Variants in SORL1 observed in about 807,000 individuals in gnomAD.
SORL1 encodes sortilin-related receptor.
Under a neutral mutation model 273.7 loss-of-function variants are expected in SORL1, and 127 were observed. The observed-to-expected ratio is 0.46, with a 90% CI of 0.40 to 0.54. SORL1 has a LOEUF of 0.54. Ranked by LOEUF, SORL1 falls within the 20% of genes least tolerant of loss-of-function variation. SORL1 has a pLI of 0.00. For synonymous variants in SORL1, 1,031 were observed against 1,067.4 expected (o/e 0.97, Z 0.66); for missense variants, 2,494 against 2,846.1 (o/e 0.88, Z 2.81).
At chr11:121,615,175 G>A in intron 41 of SORL1, 120 bp downstream of exon 41, 1 of 737,064 alleles carries the variant, frequency 1.4e-6, no homozygotes, top group Non-Finnish European at 2.1e-6. Flanking sequence ...TGCTGCTCTT[G>A]GATATAGGCC....
In SORL1 at chr11:121,452,486, A is replaced by G. The variant is rs1034490486; in HGVS notation, c.155A>G (p.Gln52Arg). The G allele has an allele frequency of 1.3e-6, 2 of 1,491,360 alleles. No individual in the cohort carries two copies. Among genetic ancestry groups the G allele is most frequent in the African/African-American group, 1.5e-5 (1 of 68,578 alleles). The allele number at this position is 1,491,360 out of a possible 1,614,324, so 92.4% of individuals were successfully genotyped here. Residue 52 changes from glutamine to arginine, a missense_variant, in exon 1 of 48, where the codon CAG becomes CGG. This residue lies in a region of SORL1 where 175 missense variants were observed against 147.1 expected (regional missense o/e 1.19). Transcript: ENST00000260197. This position sits in a 1 kb window ranked among gnomAD's most constrained non-coding sequence, Gnocchi z 5.3. ...LPQDRGFLVV[Q>R]GDPRELRLWA... is the part of the protein sequence containing the mutation. ...CAGGACCGGGGCTTCCTCGTGGTGC[A>G]GGGCGACCCGCGCGAGCTGCGGCTG...
intron 5 of SORL1, among the ~76,000 whole-genome samples, chr11:121,491,839 G>A (rs1031234429): frequency 1.3e-5 from 2 of 152,074 alleles, no homozygotes; most frequent in Non-Finnish European, 1.5e-5. Context: ...AGATCATTTT[G>A]TTCCTCTGCT....
intron 1 of SORL1, among the ~76,000 whole-genome samples, chr11:121,468,011 G>T (rs145379214): frequency 6.6e-6 from 1 of 152,204 alleles, no homozygotes; most frequent in Non-Finnish European, 1.5e-5. Flanking sequence ...TTAAGGATTA[G>T]CTGCTTTGTC....
chr11:121,594,496 T>C (rs1216692313), intron 31 of SORL1, among the ~76,000 whole-genome samples: 1 of 151,994 alleles, frequency 6.6e-6, no homozygotes, highest in African/African-American at 2.4e-5. Context: ...AACTCTTTGC[T>C]GAGTTTTTCA....
intron 23 of SORL1, among the ~76,000 whole-genome samples, chr11:121,573,097 T>C (rs968256926): frequency 6.6e-6 from 1 of 152,172 alleles, no homozygotes; most frequent in African/African-American, 2.4e-5. Context: ...ACAGGAAATA[T>C]CTACTTAGGA....
intron 6 of SORL1, among the ~76,000 whole-genome samples, chr11:121,506,346 A>G (rs1337748528): frequency 6.6e-6 from 1 of 152,166 alleles, no homozygotes; most frequent in Non-Finnish European, 1.5e-5. Context: ...GCAATTTACA[A>G]AAAAGGTTTA....
chr11:121,629,603 T>G lies in SORL1; in HGVS notation c.*40T>G, dbSNP rs1256303260. ...CTAGAAACCAAATGGTGTAAATATT[T>G]TATTTGATAAAGATAGTTGATGGTT... is the stretch of plus-strand genomic sequence containing the variant. On this transcript the variant is annotated 3_prime_UTR_variant, in exon 48 of 48. Transcript: ENST00000260197. 4 of 1,000,992 alleles carry G rather than the reference T, an allele frequency of 4.0e-6. No individual in the cohort carries two copies. The highest frequency in any genetic ancestry group is 1.3e-5 in the South Asian group (1 of 78,044). 62.0% of individuals were successfully genotyped at this position (1,000,992 alleles called of 1,614,324 possible). A position where few individuals can be genotyped will look rare whatever the true frequency, so the allele number is the denominator to read the frequency against.
At chr11:121,578,543 T>G (rs946680458) in intron 25 of SORL1, among the ~76,000 whole-genome samples, 3 of 152,248 alleles carry the variant, frequency 2.0e-5, no homozygotes, top group African/African-American at 7.2e-5. Context: ...TTAGACTTGC[T>G]TCCCCACGGA....
intron 26 of SORL1, 50 bp from the exon 27 acceptor site, chr11:121,586,172 C>T (rs934691583): frequency 2.7e-6 from 4 of 1,459,528 alleles, no homozygotes; most frequent in African/African-American, 2.8e-5. Context: ...GTGTGAGTGC[C>T]TGCCTGTTTC....
intron 40 of SORL1, among the ~76,000 whole-genome samples, chr11:121,613,156 A>G (rs919799994): frequency 2.6e-5 from 4 of 152,198 alleles, no homozygotes; most frequent in South Asian, 2.1e-4. Flanking sequence ...GAGTTCTTAG[A>G]TATAGACAGT....
At position 121,570,485 on chromosome 11, in the gene SORL1, A is replaced by C. The variant is rs186135020; in HGVS notation, c.3337+215A>C. 7.7e-3 allele frequency among the ~76,000 whole-genome samples: 1,176 copies of C among 152,266 alleles called. 11 individuals carry two copies. The highest frequency in any genetic ancestry group is 0.013 in the Non-Finnish European group (861 of 68,004). Reference sequence around the variant, plus strand: ...AATATTATATACATAATATTTTTTTAACCACCCCAGAAGTACCACTCGTTA... The same window carrying C: ...AATATTATATACATAATATTTTTTTCACCACCCCAGAAGTACCACTCGTTA... On this transcript the variant is annotated intron_variant, in intron 23 of 47. Transcript: ENST00000260197.
At chr11:121,587,062 A>T (rs1863127033) in intron 27 of SORL1, among the ~76,000 whole-genome samples, 1 of 152,226 alleles carries the variant, frequency 6.6e-6, no homozygotes, top group Non-Finnish European at 1.5e-5. Flanking sequence ...ATTTGTTTAC[A>T]TATTGTATAT....
intron 5 of SORL1, among the ~76,000 whole-genome samples, chr11:121,495,596 C>T (rs569654378): frequency 6.6e-6 from 1 of 152,294 alleles, no homozygotes; most frequent in South Asian, 2.1e-4. Context: ...TGTATTCTCA[C>T]TACAAGACTA....
chr11:121,538,961 G>A (rs1421892459), intron 12 of SORL1, among the ~76,000 whole-genome samples: 2 of 152,212 alleles, frequency 1.3e-5, no homozygotes, highest in East Asian at 3.8e-4. Flanking sequence ...ACAGGCGTGA[G>A]CCTCTGTGCC....
chr11:121,493,248 G>T (rs2134817976), intron 5 of SORL1, among the ~76,000 whole-genome samples: 1 of 151,878 alleles, frequency 6.6e-6, no homozygotes, highest in African/African-American at 2.4e-5. Flanking sequence ...CCAAAGTGCT[G>T]GGATTATGGT....
intron 1 of SORL1, among the ~76,000 whole-genome samples, chr11:121,457,049 C>G (rs531030741): frequency 6.6e-6 from 1 of 152,288 alleles, no homozygotes; most frequent in Admixed American, 6.5e-5. Flanking sequence ...AAGAGTTGCT[C>G]GGGGCCTTGG....
chr11:121,526,445 G>T (rs1157220517), intron 11 of SORL1, among the ~76,000 whole-genome samples: 3 of 151,992 alleles, frequency 2.0e-5, no homozygotes, highest in Non-Finnish European at 4.4e-5. Context: ...ATTATTGTAG[G>T]TCGTTCGTAT....
chr11:121,509,921 G>A (rs575524842), intron 6 of SORL1, among the ~76,000 whole-genome samples: 2 of 152,310 alleles, frequency 1.3e-5, no homozygotes, highest in East Asian at 3.9e-4. Flanking sequence ...GGATGTATTA[G>A]TTGGTACAAC....
rs749689467 is a variant in SORL1, at chr11:121,607,223, C to T, written c.5099C>T (p.Ser1700Phe). 3.7e-6 allele frequency: 6 copies of T among 1,612,682 alleles called. No individual in the cohort carries two copies. In the South Asian group the frequency reaches 6.6e-5, roughly 18 times the overall value. The stretch of plus-strand genomic sequence containing the variant: ...AGGAGTGGTTCCAAGATGTGGGCCT[C>T]CCAGAGGGCTGCTAGTAACTTTACA... Reference protein sequence around the residue: ...YSRSGSKMWASQRAASNFTEI... With the variant: ...YSRSGSKMWAFQRAASNFTEI... The change falls in exon 37 of 48, where the codon TCC becomes TTC. Residue 1700 changes from serine to phenylalanine, a missense_variant. Around this residue, in one of 3 missense-constraint regions of SORL1, gnomAD observed 1,609 missense variants for 1,816.4 expected, o/e 0.89. Coordinates refer to ENST00000260197, the MANE Select transcript of SORL1 (RefSeq NM_003105.6).
Sources: gnomAD v4.1 joint callset for allele counts (sites outside exome capture counted in the v4.1 genomes callset) on GRCh38, gnomAD v4.1.1 for gene constraint, gnomAD v4.1.1 regional missense constraint, Gnocchi (gnomAD v3.1) non-coding constraint, MANE v1.5 for transcripts, NCBI Gene and HGNC (gene_info 2026-07-23, HGNC 2026-07-21) for gene names.